The following PRELID2 variants were observed in gnomAD, a reference collection of about 807,000 sequenced individuals.
PRELID2 encodes the protein PRELI domain containing 2.
Under a neutral mutation model 28.4 loss-of-function variants are expected in PRELID2, and 25 were observed. That is an observed-to-expected ratio of 0.88 (90% CI 0.64 to 1.23). The LOEUF (loss-of-function observed/expected upper bound fraction) is 1.23, where lower values mean the gene tolerates loss of function less well. PRELID2 is among the 50% of genes most tolerant of loss of function. The pLI, the probability that PRELID2 is intolerant of heterozygous loss-of-function variation, is 0.00. For synonymous variants in PRELID2, 76 were observed against 71.6 expected (o/e 1.06, Z -0.31); for missense variants, 201 against 214.4 (o/e 0.94, Z 0.39).
chr5:145,388,366 A>C, the PRELID2 span, among the ~76,000 whole-genome samples: 8 of 152,192 alleles, frequency 5.3e-5, no homozygotes, highest in Admixed American at 4.6e-4. Flanking sequence ...GAAAACATGG[A>C]AACACTGTAT....
chr5:145,518,447 C>T (rs1008921948), intron 1 of PRELID2, among the ~76,000 whole-genome samples: 4 of 152,130 alleles, frequency 2.6e-5, no homozygotes, highest in African/African-American at 9.6e-5. Context: ...ATCCTCCCAC[C>T]TCGGCCTCCC....
chr5:145,503,325 C>T (rs1280968243), intron 1 of PRELID2, among the ~76,000 whole-genome samples: 1 of 152,104 alleles, frequency 6.6e-6, no homozygotes, highest in Non-Finnish European at 1.5e-5. Context: ...CCACTTAATT[C>T]CACAGTTTAA....
chr5:145,822,578 T>C (rs561278311), intron 2 of PRELID2, among the ~76,000 whole-genome samples: 2 of 152,332 alleles, frequency 1.3e-5, no homozygotes, highest in Non-Finnish European at 2.9e-5. Flanking sequence ...TTTATAGTCA[T>C]ATCTCGTATT....
intron 1 of PRELID2, among the ~76,000 whole-genome samples, chr5:145,740,857 C>T (rs148681336): frequency 0.6 from 19,048 of 31,916 alleles, 4,988 homozygotes; most frequent in East Asian, 0.88. Flanking sequence ...TATATATGTA[C>T]ATATATTTAT....
the PRELID2 span, among the ~76,000 whole-genome samples, chr5:145,252,758 C>T: frequency 6.6e-6 from 1 of 151,938 alleles, no homozygotes; most frequent in Non-Finnish European, 1.5e-5. Context: ...TTTAGAAAGA[C>T]GTAAAAGTTC....
At chr5:145,744,111 G>A (rs1018263479) in intron 1 of PRELID2, among the ~76,000 whole-genome samples, 44 of 152,178 alleles carry the variant, frequency 2.9e-4, no homozygotes, top group African/African-American at 1.1e-3. Context: ...TCCTCATTGG[G>A]TAGGGCTTCC....
chr5:145,304,031 G>A, the PRELID2 span, among the ~76,000 whole-genome samples: 1 of 152,140 alleles, frequency 6.6e-6, no homozygotes, highest in Non-Finnish European at 1.5e-5. Context: ...ATATGCAGGT[G>A]AAGGGGCACT....
chr5:145,294,445 A>G, the PRELID2 span, among the ~76,000 whole-genome samples: 1 of 152,142 alleles, frequency 6.6e-6, no homozygotes, highest in East Asian at 1.9e-4. Flanking sequence ...TAAATGTTTC[A>G]AAACTAAAAG....
chr5:145,354,198 G>A, the PRELID2 span, among the ~76,000 whole-genome samples: 8 of 151,300 alleles, frequency 5.3e-5, no homozygotes, highest in Admixed American at 2.0e-4. Flanking sequence ...CACATTATTC[G>A]ACGACTTTCC....
At chr5:145,489,231 T>C (rs13190127) in intron 1 of PRELID2, among the ~76,000 whole-genome samples, 34,617 of 152,080 alleles carry the variant, frequency 0.23, 4,123 homozygotes, top group South Asian at 0.36. Flanking sequence ...CCAGAGTCAG[T>C]TTATCTTAAT....
At chr5:145,562,903 A>G (rs1752936085) in intron 1 of PRELID2, among the ~76,000 whole-genome samples, 1 of 152,242 alleles carries the variant, frequency 6.6e-6, no homozygotes, top group Non-Finnish European at 1.5e-5. Flanking sequence ...ACGAATTTCA[A>G]CAAGGAAGAG....
At chr5:145,319,110 T>G in the PRELID2 span, among the ~76,000 whole-genome samples, 343 of 152,176 alleles carry the variant, frequency 2.3e-3, no homozygotes, top group African/African-American at 7.8e-3. Context: ...ATGGGTATGG[T>G]ATAGGGGGGC....
chr5:145,305,230 T>C, the PRELID2 span, among the ~76,000 whole-genome samples: 1 of 152,164 alleles, frequency 6.6e-6, no homozygotes, highest in Non-Finnish European at 1.5e-5. Context: ...AGTTAGTAGA[T>C]ATGATAATGT....
intron 1 of PRELID2, among the ~76,000 whole-genome samples, chr5:145,730,577 G>A (rs1268913202): frequency 6.6e-6 from 1 of 152,152 alleles, no homozygotes; most frequent in African/African-American, 2.4e-5. Flanking sequence ...CTGTGAGTGA[G>A]CCTAGATAAC....
At chr5:145,821,583 T>C (rs1157221189) in intron 2 of PRELID2, among the ~76,000 whole-genome samples, 1 of 152,234 alleles carries the variant, frequency 6.6e-6, no homozygotes, top group Admixed American at 6.5e-5. Flanking sequence ...GCCATGCTGT[T>C]ACAGGTTTTC....
At chr5:145,537,917 CA>C (rs1405406641) in intron 1 of PRELID2, among the ~76,000 whole-genome samples, 1 of 151,834 alleles carries the variant, frequency 6.6e-6, no homozygotes, top group Non-Finnish European at 1.5e-5. Flanking sequence ...TTCCCCAGCC[CA>C]ATACCACAGA....
At chr5:145,594,363 T>TA (rs1399711053) in intron 1 of PRELID2, among the ~76,000 whole-genome samples, 1 of 152,168 alleles carries the variant, frequency 6.6e-6, no homozygotes. Flanking sequence ...AGTCAGTGTA[T>TA]ATCTAGTCCA....
At position 145,641,332 on chromosome 5, in the gene PRELID2, G is replaced by C. The variant is rs931609749; in HGVS notation, n.70+123599C>G. 2.0e-5 allele frequency among the ~76,000 whole-genome samples: 3 copies of C among 152,022 alleles called. No homozygotes were observed. In the South Asian group the frequency reaches 6.2e-4, roughly 31 times the overall value. On this transcript the variant is annotated intron_variant and non_coding_transcript_variant, in intron 1 of 2. Transcript: ENST00000510259. ...GAGAAATAGGTAAAAGATATTAGCAGACAGGTCTTAAAGAGAGAAAATCTA... is the reference window on the plus strand; with the variant it reads ...GAGAAATAGGTAAAAGATATTAGCACACAGGTCTTAAAGAGAGAAAATCTA...
At chr5:145,243,241 T>C in the PRELID2 span, among the ~76,000 whole-genome samples, 1 of 152,098 alleles carries the variant, frequency 6.6e-6, no homozygotes, top group East Asian at 1.9e-4. Context: ...AATGCCTTTC[T>C]GTCCTACATC....
Sources: allele counts gnomAD v4.1 joint callset (sites outside exome capture counted in the v4.1 genomes callset), GRCh38; gene constraint gnomAD v4.1.1; transcripts MANE v1.5; gene names NCBI Gene and HGNC (gene_info 2026-07-23, HGNC 2026-07-21).